Variants in ARIH2 observed in about 807,000 individuals in gnomAD.
The protein encoded by ARIH2 is ariadne RBR E3 ubiquitin protein ligase 2, also known as E3 ubiquitin-protein ligase ARIH2.
In ARIH2, 12 loss-of-function variants were observed where a neutral mutation model predicts 79.8. That is an observed-to-expected ratio of 0.15 (90% confidence interval 0.10 to 0.24). ARIH2 has a LOEUF of 0.24. Ranked by LOEUF, ARIH2 falls within the 10% of genes least tolerant of loss-of-function variation. The pLI is 1.00. For synonymous variants in ARIH2, 224 were observed against 213.9 expected (o/e 1.05, Z -0.41); for missense variants, 301 against 618.3 (o/e 0.49, Z 5.44).
chr3:48,982,689 G>A (rs999677361), intron 14 of ARIH2: 2 of 555,430 alleles, frequency 3.6e-6, no homozygotes, highest in African/African-American at 1.9e-5. Flanking sequence ...TTTGAGGGTC[G>A]AGGGTGAATG....
chr3:48,950,819 A>G (rs906860572), intron 3 of ARIH2, among the ~76,000 whole-genome samples: 1 of 152,120 alleles, frequency 6.6e-6, no homozygotes, highest in East Asian at 1.9e-4. Flanking sequence ...ATTAGGTTAA[A>G]TAAAATAAAT....
intron 3 of ARIH2, among the ~76,000 whole-genome samples, chr3:48,953,749 C>T (rs1226562802): frequency 2.6e-5 from 4 of 151,756 alleles, no homozygotes; most frequent in Non-Finnish European, 5.9e-5. Context: ...CCGGCTGGAG[C>T]GTAGTGGCGT....
In ARIH2 at chr3:48,980,181, C is replaced by T. The variant is rs1018817332; in HGVS notation, c.1114-172C>T. On this transcript the variant is annotated intron_variant, in intron 12 of 15. Coordinates refer to ENST00000356401, the MANE Select transcript of ARIH2 (RefSeq NM_006321.4). ...ATCTGGCAGTAAGCATACAGCTGCT[C>T]TGGACAGGTTAGAAGGATGGACTGA... The T allele has an allele frequency of 1.1e-5, 7 of 635,646 alleles. No individual in the cohort carries two copies. In the South Asian group the frequency reaches 1.4e-4, roughly 13 times the overall value. The allele number at this position is 635,646 out of a possible 1,614,324, so 39.4% of individuals were successfully genotyped here.
At chr3:48,954,804 C>CA (rs756004829) in intron 3 of ARIH2, among the ~76,000 whole-genome samples, 16 of 152,312 alleles carry the variant, frequency 1.1e-4, no homozygotes, top group Non-Finnish European at 1.8e-4. Context: ...ATTAGAGACT[C>CA]AGATTACTCA....
chr3:48,951,846 T>A (rs1388139797), intron 3 of ARIH2, among the ~76,000 whole-genome samples: 1 of 152,198 alleles, frequency 6.6e-6, no homozygotes, highest in Non-Finnish European at 1.5e-5. Context: ...TTTGTTGATA[T>A]TTTTAAAGAA....
intron 5 of ARIH2, 122 bp from the exon 6 acceptor site, chr3:48,967,003 G>A (rs1358274944): frequency 9.3e-7 from 1 of 1,077,710 alleles, no homozygotes; most frequent in Non-Finnish European, 1.4e-6. Flanking sequence ...ACACATTGCA[G>A]TTGAGCTCTG....
At chr3:48,954,354 G>A (rs551402456) in intron 3 of ARIH2, among the ~76,000 whole-genome samples, 5 of 151,412 alleles carry the variant, frequency 3.3e-5, no homozygotes, top group South Asian at 4.2e-4. Flanking sequence ...GGAGAATGGC[G>A]TGAACCCGGG....
chr3:48,943,135 CCTTTA>C (rs2088583763), intron 3 of ARIH2: 1 of 152,168 alleles, frequency 6.6e-6, no homozygotes, highest in African/African-American at 2.4e-5. Flanking sequence ...TCTGCCCCCT[CCTTTA>C]CTTCTACTTT....
chr3:48,939,694 C>G (rs1331481998), intron 3 of ARIH2, among the ~76,000 whole-genome samples: 1 of 136,194 alleles, frequency 7.3e-6, no homozygotes, highest in Non-Finnish European at 1.5e-5. Context: ...GGAGGAGGAG[C>G]TTGCAGTGAG....
At chr3:48,924,213 T>G (rs966009988) in intron 2 of ARIH2, among the ~76,000 whole-genome samples, 2 of 152,100 alleles carry the variant, frequency 1.3e-5, no homozygotes, top group Non-Finnish European at 2.9e-5. Context: ...CAGGCTGGTT[T>G]GGAACTCCTG....
At chr3:48,964,864 G>C in intron 4 of ARIH2, 55 bp from the exon 5 acceptor site, 1 of 1,356,200 alleles carries the variant, frequency 7.4e-7, no homozygotes, top group African/African-American at 1.4e-5. Context: ...TATTGTTCAG[G>C]GGTAAAAATG....
At chr3:48,948,549 G>A (rs533117601) in intron 3 of ARIH2, among the ~76,000 whole-genome samples, 2 of 149,896 alleles carry the variant, frequency 1.3e-5, no homozygotes, top group African/African-American at 4.9e-5. Flanking sequence ...CGGCCTCCCA[G>A]GAGTGCTGGG....
chr3:48,947,504 C>G (rs1470281489), intron 3 of ARIH2, among the ~76,000 whole-genome samples: 2 of 151,226 alleles, frequency 1.3e-5, no homozygotes, highest in African/African-American at 2.4e-5. Context: ...GCATTATAGG[C>G]CTATATGGAA....
chr3:48,967,233 G>C lies in ARIH2; in HGVS notation c.496G>C (p.Glu166Gln). 6.2e-7 allele frequency: 1 copy of C among 1,614,218 alleles called. No homozygotes were observed. The highest frequency in any genetic ancestry group is 8.5e-7 in the Non-Finnish European group (1 of 1,180,044). The change falls in exon 6 of 16, where the codon GAG (glutamate) becomes CAG (glutamine). Residue 166 changes from glutamate to glutamine, a missense_variant. By Grantham distance (29) the Glu-to-Gln change is conservative. Coordinates refer to ENST00000356401, the MANE Select transcript of ARIH2 (RefSeq NM_006321.4). Reference protein sequence around the residue: ...CQHQFCRSCWEQHCSVLVKDG... With the variant: ...CQHQFCRSCWQQHCSVLVKDG... ...GCACCAGTTTTGCCGCAGCTGCTGG[G>C]AGCAGCACTGCTCAGTTCTCGTCAA...
chr3:48,955,777 G>A (rs1184471929), intron 3 of ARIH2, among the ~76,000 whole-genome samples: 2 of 152,192 alleles, frequency 1.3e-5, no homozygotes, highest in Non-Finnish European at 2.9e-5. Context: ...GCTCAAGGTG[G>A]CCACTGCTTC....
intron 8 of ARIH2, among the ~76,000 whole-genome samples, chr3:48,972,952 C>T (rs904887398): frequency 1.3e-5 from 2 of 152,170 alleles, no homozygotes; most frequent in African/African-American, 4.8e-5. Flanking sequence ...TGGGCTCAAG[C>T]AGTCCTCCCA....
chr3:48,923,799 G>C (rs1029071722), intron 2 of ARIH2, among the ~76,000 whole-genome samples: 1 of 151,938 alleles, frequency 6.6e-6, no homozygotes, highest in Non-Finnish European at 1.5e-5. Context: ...GGGATTACAG[G>C]TGTGAGCCAC....
At chr3:48,967,420 C>A in intron 6 of ARIH2, 145 bp downstream of exon 6, 2 of 904,850 alleles carry the variant, frequency 2.2e-6, no homozygotes, top group Non-Finnish European at 3.3e-6. Context: ...TCAAATACAT[C>A]CATACAAACA....
intron 3 of ARIH2, among the ~76,000 whole-genome samples, chr3:48,950,117 GTCTGTGTTCTGTGTTT>G (rs1185411156): frequency 6.6e-6 from 1 of 152,022 alleles, no homozygotes; most frequent in Non-Finnish European, 1.5e-5. Flanking sequence ...TGAAGTAATG[GTCTGTGTTCTGTGTTT>G]TGTTTGTTAT....
Sources: gnomAD v4.1 joint callset for allele counts (sites outside exome capture counted in the v4.1 genomes callset) on GRCh38, gnomAD v4.1.1 for gene constraint, MANE v1.5 for transcripts, NCBI Gene and HGNC (gene_info 2026-07-23, HGNC 2026-07-21) for gene names.